The following NPC1L1 variants were observed in gnomAD, a reference collection of about 807,000 sequenced individuals.
NPC1L1 encodes NPC1-like intracellular cholesterol transporter 1.
NPC1L1 carries 98 observed loss-of-function variants against 117.0 expected under a neutral mutation model. That is an observed-to-expected ratio of 0.84 (90% CI 0.71 to 0.99). The LOEUF (loss-of-function observed/expected upper bound fraction) is 0.99. Among genes scored for constraint, NPC1L1 ranks in the 50% least tolerant of loss-of-function variants. The probability of loss-of-function intolerance (pLI) is 0.00; values close to 1 mark genes in which losing one functional copy is unlikely to be tolerated. For missense variants in NPC1L1, 1,540 were observed against 1,710.0 expected (o/e 0.90, Z 1.75); for synonymous variants, 729 against 727.6 (o/e 1.00, Z -0.03).
At chr7:44,533,595 T>C (rs758768024) in intron 7 of NPC1L1, 37 bp from the exon 8 acceptor site, 69 of 1,613,854 alleles carry the variant, frequency 4.3e-5, no homozygotes, top group Non-Finnish European at 5.7e-5. Context: ...GCACCCTGGC[T>C]TCAAGGGCAG....
At chr7:44,521,905 A>C in intron 11 of NPC1L1, 69 bp from the exon 12 acceptor site, 4 of 1,609,830 alleles carry the variant, frequency 2.5e-6, no homozygotes, top group Non-Finnish European at 2.5e-6. Flanking sequence ...CTCGTGGCCC[A>C]ACCCCCACGC....
At chr7:44,526,159 C>G (rs1257637702) in intron 10 of NPC1L1, among the ~76,000 whole-genome samples, 2 of 151,772 alleles carry the variant, frequency 1.3e-5, no homozygotes, top group African/African-American at 2.4e-5. Flanking sequence ...GAGTGAGACT[C>G]TGTCTCAAAA....
Position 44,539,247 on chromosome 7 carries a change from A to G in NPC1L1, c.1150T>C (p.Ser384Pro). 1 of 1,614,044 alleles carries G rather than the reference A, an allele frequency of 6.2e-7. No homozygotes were observed. The highest frequency in any genetic ancestry group is 1.1e-5 in the South Asian group (1 of 91,082). ...CTCCGGGCTTGGCTGTTGGGGGCCG[A>G]CCACAGCTCCACGGGGTCCGTAGTG... ...ELTTDPVELW[S>P]APNSQARSEK... Residue 384 changes from serine to proline, a missense_variant, in exon 2 of 19, where the codon TCG becomes CCG. Ser to Pro is a moderately conservative substitution (Grantham distance 74). Coordinates refer to ENST00000381160, the MANE Select transcript of NPC1L1 (RefSeq NM_001101648.2). This position sits in a 1 kb window ranked among gnomAD's most constrained non-coding sequence, Gnocchi z 4.4.
In NPC1L1 at chr7:44,539,716, C is replaced by T. The variant is rs1783994331; in HGVS notation, c.681G>A (p.Gln227=). Residue 227 remains glutamine (Q), a synonymous_variant, in exon 2 of 19, where the codon CAG becomes CAA. Transcript: ENST00000381160. This position sits in a 1 kb window ranked among gnomAD's most constrained non-coding sequence, Gnocchi z 4.4. ...GAGGCTGAATCCCACTCCCCACGGC[C>T]TGGCCAGGCTCCAAGAGGTGGAAGG... ...DITFHLLEPG[Q]AVGSGIQPLN... The T allele has an allele frequency of 6.2e-7, 1 of 1,614,128 alleles. No individual in the cohort carries two copies. Among genetic ancestry groups the T allele is most frequent in the Non-Finnish European group, 8.5e-7 (1 of 1,180,034 alleles).
At chr7:44,523,984 C>T (rs1801434860) in intron 10 of NPC1L1, among the ~76,000 whole-genome samples, 2 of 152,178 alleles carry the variant, frequency 1.3e-5, no homozygotes, top group Admixed American at 1.3e-4. Context: ...ACTCCCACCA[C>T]CGTTGTTGCA....
At chr7:44,521,589 C>T in intron 12 of NPC1L1, 123 bp downstream of exon 12, 3 of 1,489,830 alleles carry the variant, frequency 2.0e-6, no homozygotes, top group Non-Finnish European at 1.9e-6. Flanking sequence ...TGCACCCATG[C>T]CCCCGACAGA....
chr7:44,539,268 T>C lies in NPC1L1; in HGVS notation c.1129A>G (p.Thr377Ala). The C allele has an allele frequency of 6.2e-7, 1 of 1,613,862 alleles. No homozygotes were observed. Among genetic ancestry groups the C allele is most frequent in the Non-Finnish European group, 8.5e-7 (1 of 1,179,980 alleles). ...GCCGACCACAGCTCCACGGGGTCCGTAGTGAGTTCTGTAAAGACCAGGCCC... is the reference window on the plus strand; with the variant it reads ...GCCGACCACAGCTCCACGGGGTCCGCAGTGAGTTCTGTAAAGACCAGGCCC... ...AAGLVFTELT[T>A]DPVELWSAPN... The change falls in exon 2 of 19, where the codon ACG becomes GCG. Residue 377 changes from threonine (T) to alanine (A), a missense_variant. Thr to Ala is a moderately conservative substitution (Grantham distance 58, BLOSUM62 0). Coordinates refer to ENST00000381160, the MANE Select transcript of NPC1L1 (RefSeq NM_001101648.2). This position sits in a 1 kb window ranked among gnomAD's most constrained non-coding sequence, Gnocchi z 4.4.
At position 44,536,841 on chromosome 7, in the gene NPC1L1, C is replaced by T. The variant is rs200525569; in HGVS notation, c.1681+1G>A. On this transcript the variant is annotated splice_donor_variant, in intron 3 of 18. Transcript: ENST00000381160. LOFTEE classifies it high-confidence loss of function. This position sits in a 1 kb window ranked among gnomAD's most constrained non-coding sequence, Gnocchi z 4.7. ...TTCCTCTCAGGGCCCACTTAGCTTA[C>T]CTTTGTACCCCCCAATGGCAAGGAA... 1.1e-5 allele frequency: 18 copies of T among 1,613,256 alleles called. No individual in the cohort carries two copies. The highest frequency in any genetic ancestry group is 3.3e-5 in the Admixed American group (2 of 60,014).
intron 18 of NPC1L1, among the ~76,000 whole-genome samples, chr7:44,515,172 T>C (rs545690049): frequency 1.5e-4 from 22 of 151,696 alleles, no homozygotes; most frequent in Admixed American, 4.6e-4. Flanking sequence ...CTGGGCAACA[T>C]AGGGAGACCC....
At chr7:44,517,445 C>T in intron 14 of NPC1L1, 88 bp from the exon 15 acceptor site, 4 of 1,510,098 alleles carry the variant, frequency 2.6e-6, no homozygotes, top group Non-Finnish European at 3.6e-6. Context: ...CGCAGTGGCA[C>T]AGGCATGTGA....
intron 18 of NPC1L1, among the ~76,000 whole-genome samples, chr7:44,514,560 C>A (rs1049966772): frequency 6.6e-6 from 1 of 151,904 alleles, no homozygotes; most frequent in African/African-American, 2.4e-5. Flanking sequence ...CCCAGCTACT[C>A]GAGAGGCTGA....
rs1198442606 is a variant in NPC1L1 at position 44,516,858 on chromosome 7, G to A, written c.3364C>T (p.Pro1122Ser). The change falls in exon 16 of 19, where the codon CCC (proline) becomes TCC (serine). Residue 1122 changes from proline (P) to serine (S), a missense_variant. Pro to Ser is a moderately conservative substitution (Grantham distance 74). Transcript: ENST00000381160. ...GLFMLSLCLV[P>S]TFAVSCLLLG... ...AGGAGGCAGGAGACAGCGAAGGTGG[G>A]CACAAGGCAGAGGCTGAGCATGAAG... 6.2e-7 allele frequency: 1 copy of A among 1,614,162 alleles called. No homozygotes were observed. Among genetic ancestry groups the A allele is most frequent in the South Asian group, 1.1e-5 (1 of 91,082 alleles).
rs1288407576 is a variant in NPC1L1 at position 44,531,746 on chromosome 7, T to G, written c.2637+9A>C. The G allele has an allele frequency of 6.4e-7, 1 of 1,564,026 alleles. No homozygotes were observed. The highest frequency in any genetic ancestry group is 8.7e-7 in the Non-Finnish European group (1 of 1,153,910). On this transcript the variant is annotated intron_variant, in intron 10 of 18. Coordinates refer to ENST00000381160, the MANE Select transcript of NPC1L1 (RefSeq NM_001101648.2). ...AGGGGCCTAAGGGTTGAGAAGGGCC[T>G]GGGCTCACCTTGGGCAGGGCCAGCT...
intron 12 of NPC1L1, among the ~76,000 whole-genome samples, 153 bp from the exon 13 acceptor site, chr7:44,521,271 GA>G (rs1801344707): frequency 6.6e-6 from 1 of 152,220 alleles, no homozygotes; most frequent in African/African-American, 2.4e-5. Flanking sequence ...ATTTGTGGGA[GA>G]AGTTCTCCTC....
chr7:44,536,987 G>A lies in NPC1L1; in HGVS notation c.1581-45C>T. The stretch of plus-strand genomic sequence containing the variant: ...AAGGGAAAGGGCCTTTCCTGGCCCT[G>A]CCCAGTCCCTATGGCCCCTCCCTTC... On this transcript the variant is annotated intron_variant, in intron 2 of 18. Coordinates refer to ENST00000381160, the MANE Select transcript of NPC1L1 (RefSeq NM_001101648.2). This position sits in a 1 kb window ranked among gnomAD's most constrained non-coding sequence, Gnocchi z 4.7. 6.5e-7 allele frequency: 1 copy of A among 1,533,628 alleles called. No individual in the cohort carries two copies. The highest frequency in any genetic ancestry group is 1.4e-5 in the African/African-American group (1 of 73,366).
At chr7:44,532,250 C>A (rs371658791) in intron 8 of NPC1L1, 33 bp from the exon 9 acceptor site, 1 of 1,612,272 alleles carries the variant, frequency 6.2e-7, no homozygotes, top group Non-Finnish European at 8.5e-7. Context: ...AAGGTAGTCC[C>A]AGAGCAGACA....
intron 10 of NPC1L1, among the ~76,000 whole-genome samples, chr7:44,524,975 T>TAGAA (rs1801465892): frequency 1.3e-5 from 2 of 151,308 alleles, no homozygotes; most frequent in Non-Finnish European, 2.9e-5. Flanking sequence ...ATTAGCAAAC[T>TAGAA]GAAGATAAGA....
At chr7:44,528,911 A>G (rs944140987) in intron 10 of NPC1L1, among the ~76,000 whole-genome samples, 4 of 151,982 alleles carry the variant, frequency 2.6e-5, no homozygotes, top group Non-Finnish European at 5.9e-5. Context: ...TCTACAAAAA[A>G]TACAAAAAAA....
At chr7:44,514,138 G>A (rs1801118101) in intron 18 of NPC1L1, among the ~76,000 whole-genome samples, 1 of 152,076 alleles carries the variant, frequency 6.6e-6, no homozygotes, top group Non-Finnish European at 1.5e-5. Context: ...CTGCCTCGGG[G>A]GTAGTAAGAG....
Sources: gnomAD v4.1 joint callset for allele counts (sites outside exome capture counted in the v4.1 genomes callset) on GRCh38, gnomAD v4.1.1 for gene constraint, Gnocchi (gnomAD v3.1) non-coding constraint, MANE v1.5 for transcripts, NCBI Gene and HGNC (gene_info 2026-07-23, HGNC 2026-07-21) for gene names.